JARID2: variants seen among roughly 807,000 people sequenced by gnomAD.
JARID2 encodes the protein jumonji and AT-rich interaction domain containing 2, also known as protein Jumonji.
A neutral mutation model predicts 125.6 loss-of-function variants in JARID2; 21 were observed. The ratio of observed to expected loss-of-function variants is 0.17; its 90% CI spans 0.12 to 0.24. The LOEUF (loss-of-function observed/expected upper bound fraction) is 0.24. Ranked by LOEUF, JARID2 falls within the 10% of genes least tolerant of loss-of-function variation. The probability of loss-of-function intolerance (pLI) is 1.00; values close to 1 mark genes in which losing one functional copy is unlikely to be tolerated. For synonymous variants in JARID2, 736 were observed against 661.6 expected (o/e 1.11, Z -1.73); for missense variants, 1,303 against 1,639.6 (o/e 0.79, Z 3.55).
At chr6:15,381,412 C>T (rs748354644) in intron 2 of JARID2, among the ~76,000 whole-genome samples, 35 of 150,364 alleles carry the variant, frequency 2.3e-4, no homozygotes, top group Non-Finnish European at 4.1e-4. Context: ...GTGTGCTAGT[C>T]TCCTCCTCTG....
At chr6:15,425,764 C>T (rs1475358780) in intron 3 of JARID2, among the ~76,000 whole-genome samples, 1 of 152,094 alleles carries the variant, frequency 6.6e-6, no homozygotes, top group Admixed American at 6.5e-5. Context: ...TAATAGAAGC[C>T]TCAAATGGAC....
chr6:15,377,299 A>G (rs1199631081), intron 2 of JARID2, among the ~76,000 whole-genome samples: 1 of 152,108 alleles, frequency 6.6e-6, no homozygotes, highest in African/African-American at 2.4e-5. Context: ...GGCAAGAGAA[A>G]ATGAGATTTC....
intron 5 of JARID2, among the ~76,000 whole-genome samples, chr6:15,476,792 A>G (rs1451681467): frequency 6.6e-6 from 1 of 152,226 alleles, no homozygotes; most frequent in Non-Finnish European, 1.5e-5. Context: ...ACCAAATAAC[A>G]CAATCAGAAC....
At chr6:15,416,249 G>T (rs879421374) in intron 3 of JARID2, among the ~76,000 whole-genome samples, 12 of 151,706 alleles carry the variant, frequency 7.9e-5, no homozygotes, top group Middle Eastern at 3.2e-3. Context: ...GACGATGGGC[G>T]GCCAGGCAGA....
At chr6:15,386,562 C>G (rs1265862309) in intron 2 of JARID2, among the ~76,000 whole-genome samples, 1 of 152,216 alleles carries the variant, frequency 6.6e-6, no homozygotes, top group East Asian at 1.9e-4. Flanking sequence ...ACCTCAAGAT[C>G]TGGCCTCAGG....
chr6:15,377,642 A>C (rs372149234), intron 2 of JARID2, among the ~76,000 whole-genome samples: 5 of 151,282 alleles, frequency 3.3e-5, no homozygotes, highest in African/African-American at 1.2e-4. Flanking sequence ...ACAAATTGAG[A>C]CCCTGTCTTT....
At chr6:15,358,825 A>AT (rs552021234) in intron 1 of JARID2, among the ~76,000 whole-genome samples, 46 of 152,256 alleles carry the variant, frequency 3.0e-4, no homozygotes, top group African/African-American at 9.1e-4. Flanking sequence ...CAGAATATAG[A>AT]TTTTTTCATG....
At chr6:15,427,594 A>ATT (rs1194006380) in intron 3 of JARID2, among the ~76,000 whole-genome samples, 1 of 151,810 alleles carries the variant, frequency 6.6e-6, no homozygotes, top group Non-Finnish European at 1.5e-5. Context: ...AAACAGTAAC[A>ATT]TTTTTGTCTC....
chr6:15,274,078 G>T (rs1275045214), intron 1 of JARID2, among the ~76,000 whole-genome samples: 3 of 151,990 alleles, frequency 2.0e-5, no homozygotes, highest in Non-Finnish European at 1.5e-5. Flanking sequence ...ATAGGCGCCC[G>T]CCACCACGCC....
At chr6:15,273,391 T>C (rs753304294) in intron 1 of JARID2, among the ~76,000 whole-genome samples, 2 of 152,234 alleles carry the variant, frequency 1.3e-5, no homozygotes, top group Non-Finnish European at 2.9e-5. Context: ...TTTCAACTAA[T>C]GGTTGTGTTC....
intron 5 of JARID2, among the ~76,000 whole-genome samples, chr6:15,476,086 C>A (rs1300568295): frequency 6.6e-6 from 1 of 152,198 alleles, no homozygotes; most frequent in African/African-American, 2.4e-5. Flanking sequence ...GTCAGGAAAT[C>A]TAGCAACATC....
At chr6:15,481,393 A>G (rs1581624784) in intron 5 of JARID2, among the ~76,000 whole-genome samples, 1 of 152,152 alleles carries the variant, frequency 6.6e-6, no homozygotes, top group Non-Finnish European at 1.5e-5. Context: ...GAGGACTTCT[A>G]TACATTGAAC....
At chr6:15,255,650 C>CGGT (rs1759635693) in intron 1 of JARID2, among the ~76,000 whole-genome samples, 3 of 152,188 alleles carry the variant, frequency 2.0e-5, no homozygotes, top group Admixed American at 1.3e-4. Flanking sequence ...GGTTCTCTCT[C>CGGT]GGTTTCAGCC....
intron 2 of JARID2, chr6:15,400,940 C>G: frequency 7.8e-7 from 1 of 1,289,474 alleles, no homozygotes. Flanking sequence ...TGCAATGATC[C>G]GGCTCTGAGG....
chr6:15,286,645 G>C (rs1761012512), intron 1 of JARID2, among the ~76,000 whole-genome samples: 1 of 151,820 alleles, frequency 6.6e-6, no homozygotes, highest in South Asian at 2.1e-4. Flanking sequence ...CGGATCACGA[G>C]GTCAGGAGAT....
chr6:15,288,373 C>G (rs1341361860), intron 1 of JARID2, among the ~76,000 whole-genome samples: 2 of 152,152 alleles, frequency 1.3e-5, no homozygotes, highest in Non-Finnish European at 2.9e-5. Context: ...CTCTCATTCA[C>G]GATTGCTAGG....
Position 15,452,048 on chromosome 6 carries a change from G to A in JARID2, c.366G>A (p.Pro122=), listed in dbSNP as rs758152741. The A allele has an allele frequency of 1.2e-6, 2 of 1,613,954 alleles. No individual in the cohort carries two copies. Among genetic ancestry groups the A allele is most frequent in the Non-Finnish European group, 1.7e-6 (2 of 1,179,974 alleles). ...AAAGGAAGTTTGCTCAGTCTCAGCC[G>A]AATAGTCCCAGCACAACTCCAGTAA... ...QAQRKFAQSQ[P]NSPSTTPVKI... is the part of the protein sequence containing the mutation. Residue 122 remains proline, a synonymous_variant, in exon 4 of 18, where the codon CCG becomes CCA. Transcript: ENST00000341776.
chr6:15,374,214 A>G lies in JARID2; in HGVS notation c.143A>G (p.His48Arg), dbSNP rs1179535963. 6.2e-7 allele frequency: 1 copy of G among 1,614,058 alleles called. No homozygotes were observed. Among genetic ancestry groups the G allele is most frequent in the Non-Finnish European group, 8.5e-7 (1 of 1,180,000 alleles). The change falls in exon 2 of 18, where the codon CAT becomes CGT. Residue 48 changes from histidine to arginine, a missense_variant. Coordinates refer to ENST00000341776, the MANE Select transcript of JARID2 (RefSeq NM_004973.4). ...KEFKNSQKRQHAEGIAGSLKT... is the reference protein window; with the variant it reads ...KEFKNSQKRQRAEGIAGSLKT... ...TTCAAGAATTCCCAGAAGAGGCAGC[A>G]TGCGGAAGGCATTGCTGGGAGCCTG...
chr6:15,392,993 G>T (rs539104351), intron 2 of JARID2, among the ~76,000 whole-genome samples: 190 of 152,188 alleles, frequency 1.2e-3, no homozygotes, highest in Non-Finnish European at 2.4e-3. Context: ...CCAAGAGACT[G>T]AATTTTGTGT....
Sources: gnomAD v4.1 joint callset for allele counts (sites outside exome capture counted in the v4.1 genomes callset) on GRCh38, gnomAD v4.1.1 for gene constraint, MANE v1.5 for transcripts, NCBI Gene and HGNC (gene_info 2026-07-23, HGNC 2026-07-21) for gene names.